LRP1B: variants seen among roughly 807,000 people sequenced by gnomAD.
LRP1B encodes LDL receptor related protein 1B.
LRP1B carries 217 observed loss-of-function variants against 556.6 expected under a neutral mutation model. The observed-to-expected ratio is 0.39, with a 90% CI of 0.35 to 0.44. The LOEUF is 0.44. LRP1B is among the 20% of genes least tolerant of loss of function. The pLI, the probability that LRP1B is intolerant of heterozygous loss-of-function variation, is 1.00. For missense variants in LRP1B, 5,053 were observed against 5,620.8 expected (o/e 0.90, Z 3.23); for synonymous variants, 2,047 against 1,865.8 (o/e 1.10, Z -2.50).
chr2:140,322,486 T>C (rs561676014), intron 81 of LRP1B, among the ~76,000 whole-genome samples: 1 of 152,102 alleles, frequency 6.6e-6, no homozygotes, highest in East Asian at 1.9e-4. Context: ...TTATTTATTT[T>C]ACAGAGCTGT....
intron 2 of LRP1B, among the ~76,000 whole-genome samples, chr2:141,786,882 G>T (rs1484367057): frequency 1.3e-5 from 2 of 151,840 alleles, no homozygotes; most frequent in Non-Finnish European, 2.9e-5. Flanking sequence ...TGCCTTCGCT[G>T]CATACATTGA....
At chr2:140,467,747 T>C (rs1687608439) in intron 60 of LRP1B, among the ~76,000 whole-genome samples, 1 of 152,052 alleles carries the variant, frequency 6.6e-6, no homozygotes, top group Non-Finnish European at 1.5e-5. Flanking sequence ...TAGTGTTTTG[T>C]GGAAAGCAGA....
At chr2:140,617,078 T>C (rs1683283193) in intron 41 of LRP1B, among the ~76,000 whole-genome samples, 1 of 151,954 alleles carries the variant, frequency 6.6e-6, no homozygotes. Context: ...TTACATAATA[T>C]CTAGTCAATA....
At chr2:140,465,149 G>C (rs535646975) in intron 60 of LRP1B, among the ~76,000 whole-genome samples, 2 of 152,196 alleles carry the variant, frequency 1.3e-5, no homozygotes, top group East Asian at 3.9e-4. Flanking sequence ...AGGAAGAAGG[G>C]GGACCAGACA....
At chr2:140,631,625 G>T (rs1574166028) in intron 41 of LRP1B, among the ~76,000 whole-genome samples, 1 of 152,042 alleles carries the variant, frequency 6.6e-6, no homozygotes, top group African/African-American at 2.4e-5. Context: ...ATCATCAAAA[G>T]GACAATAAAA....
chr2:141,153,384 A>T (rs1270923), intron 7 of LRP1B, among the ~76,000 whole-genome samples: 2 of 87,880 alleles, frequency 2.3e-5, no homozygotes, highest in African/African-American at 4.0e-5. Context: ...TAATATATAT[A>T]AGCTATATAT....
Position 141,945,314 on chromosome 2 carries a change from A to G in LRP1B, c.83-134913T>C, listed in dbSNP as rs191251468. ...GACTGTAGTAGCAGTTTGTCAAACTAAATCCTGGGGCTCAGAAGATGTAAT... is the reference window on the plus strand; with the variant it reads ...GACTGTAGTAGCAGTTTGTCAAACTGAATCCTGGGGCTCAGAAGATGTAAT... On this transcript the variant is annotated intron_variant, in intron 1 of 90. Coordinates refer to ENST00000389484, the MANE Select transcript of LRP1B (RefSeq NM_018557.3). Among the ~76,000 whole-genome samples, 1,294 of 152,250 alleles carry G rather than the reference A, an allele frequency of 8.5e-3. 9 individuals carry two copies. Among genetic ancestry groups the G allele is most frequent in the Middle Eastern group, 0.017 (5 of 294 alleles).
intron 1 of LRP1B, among the ~76,000 whole-genome samples, chr2:141,989,684 C>T (rs1410452006): frequency 6.6e-6 from 1 of 151,970 alleles, no homozygotes; most frequent in Non-Finnish European, 1.5e-5. Flanking sequence ...GTAGTGAGTT[C>T]TCACGAGATC....
intron 41 of LRP1B, among the ~76,000 whole-genome samples, chr2:140,627,446 A>AGTT (rs1416127451): frequency 6.6e-6 from 1 of 152,158 alleles, no homozygotes; most frequent in Admixed American, 6.5e-5. Flanking sequence ...TCGGTCTCCA[A>AGTT]GTTCTTGTTC....
intron 7 of LRP1B, among the ~76,000 whole-genome samples, chr2:141,071,606 C>T (rs1220056621): frequency 1.3e-5 from 2 of 152,130 alleles, no homozygotes; most frequent in East Asian, 1.9e-4. Context: ...TAGAAAACCC[C>T]ATTGTTTCAG....
intron 33 of LRP1B, among the ~76,000 whole-genome samples, chr2:140,773,517 A>G (rs1689389609): frequency 6.6e-6 from 1 of 152,024 alleles, no homozygotes; most frequent in Admixed American, 6.6e-5. Flanking sequence ...CATAGCCTTG[A>G]TAATAGCAAA....
chr2:141,481,103 A>G (rs557219798), intron 2 of LRP1B, among the ~76,000 whole-genome samples: 22 of 152,324 alleles, frequency 1.4e-4, no homozygotes, highest in Admixed American at 3.9e-4. Flanking sequence ...CTGAGCAACT[A>G]CAATAGAATA....
chr2:141,399,082 C>A (rs1374509570), intron 3 of LRP1B, among the ~76,000 whole-genome samples: 1 of 151,970 alleles, frequency 6.6e-6, no homozygotes. Flanking sequence ...ATGGTGAAAC[C>A]CCATCTCTAC....
chr2:141,164,691 A>G (rs1288961758), intron 7 of LRP1B, among the ~76,000 whole-genome samples: 4 of 152,058 alleles, frequency 2.6e-5, no homozygotes, highest in African/African-American at 9.7e-5. Flanking sequence ...CTGTGATAGT[A>G]ACAAACAGAT....
chr2:141,285,098 ATTTTTT>A (rs543994866), intron 3 of LRP1B, among the ~76,000 whole-genome samples: 1 of 135,682 alleles, frequency 7.4e-6, no homozygotes, highest in East Asian at 2.2e-4. Flanking sequence ...CCCATATTTC[ATTTTTT>A]TTTTTTTTTT....
At chr2:140,841,165 T>C in intron 29 of LRP1B, 73 bp from the exon 30 acceptor site, 3 of 967,866 alleles carry the variant, frequency 3.1e-6, no homozygotes, top group Non-Finnish European at 4.5e-6. Context: ...AGTAGTTATT[T>C]TCTATCTAAG....
At chr2:140,951,810 G>T (rs749944015) in intron 19 of LRP1B, 50 bp downstream of exon 19, 2 of 1,443,088 alleles carry the variant, frequency 1.4e-6, no homozygotes, top group South Asian at 1.2e-5. Context: ...AGTCCAGACC[G>T]CCAAGCCCCC....
At chr2:140,958,367 A>C (rs1358580233) in intron 18 of LRP1B, among the ~76,000 whole-genome samples, 1 of 151,658 alleles carries the variant, frequency 6.6e-6, no homozygotes, top group African/African-American at 2.4e-5. Flanking sequence ...GGCAGATTTG[A>C]AAAGCAACCA....
chr2:141,075,079 G>A (rs2104867175), intron 7 of LRP1B, among the ~76,000 whole-genome samples: 1 of 152,274 alleles, frequency 6.6e-6, no homozygotes, highest in Non-Finnish European at 1.5e-5. Flanking sequence ...TCTAGCACAA[G>A]TTTTGCTCCT....
Sources: allele counts gnomAD v4.1 joint callset (sites outside exome capture counted in the v4.1 genomes callset), GRCh38; gene constraint gnomAD v4.1.1; transcripts MANE v1.5; gene names NCBI Gene and HGNC (gene_info 2026-07-23, HGNC 2026-07-21).